DMD: variants seen among roughly 807,000 people sequenced by gnomAD.
DMD encodes the protein mutant dystrophin.
DMD carries 63 observed loss-of-function variants against 330.1 expected under a neutral mutation model. The ratio of observed to expected loss-of-function variants is 0.19; its 90% CI spans 0.16 to 0.24. The LOEUF is 0.24. Among genes scored for constraint, DMD ranks in the 10% least tolerant of loss-of-function variants. DMD has a pLI of 1.00. For missense variants in DMD, 3,344 were observed against 2,684.1 expected, an observed-to-expected ratio of 1.25 and a Z score of -5.43; for synonymous variants, 1,223 against 959.8, an observed-to-expected ratio of 1.27 and a Z score of -5.07.
rs753806639 is a variant in DMD, at chrX:32,342,972, TAATAC to T, written c.5739+157_5739+161del. Reference sequence around the variant, plus strand: ...AACATTACGTCAATTGAATAACACTTAATACAATACATTTACTGAAAACAACACAC... The same window carrying T: ...AACATTACGTCAATTGAATAACACTTAATACATTTACTGAAAACAACACAC... On this transcript the variant is annotated intron_variant, in intron 40 of 78. Coordinates refer to ENST00000357033, the MANE Select transcript of DMD (RefSeq NM_004006.3). The T allele has an allele frequency of 6.2e-4, 336 of 537,699 alleles. 1 individual carries two copies. Among genetic ancestry groups the T allele is most frequent in the East Asian group, 3.2e-3 (88 of 27,191 alleles). 44.3% of individuals were successfully genotyped at this position (537,699 alleles called of 1,213,427 possible).
At position 31,237,394 on chromosome X, in the gene DMD, T is replaced by C. The variant is rs148866981; in HGVS notation, c.9287-14273A>G. On this transcript the variant is annotated intron_variant, in intron 63 of 78. Transcript: ENST00000357033. Reference sequence around the variant, plus strand: ...TGGTATGACTCAAATTGCCCATGCATGCAGAAGCATGTGATAGAGAATGTT... The same window carrying C: ...TGGTATGACTCAAATTGCCCATGCACGCAGAAGCATGTGATAGAGAATGTT... Among the ~76,000 whole-genome samples the C allele has an allele frequency of 8.1e-3, 911 of 112,888 alleles. 8 individuals are homozygous for C. Among genetic ancestry groups the C allele is most frequent in the African/African-American group, 0.028 (864 of 31,069 alleles).
intron 12 of DMD, among the ~76,000 whole-genome samples, chrX:32,601,454 T>G (rs192902174): frequency 2.7e-4 from 30 of 111,693 alleles, no homozygotes; most frequent in Admixed American, 2.5e-3. Context: ...AAAGACTGTT[T>G]CAATGGAGAG....
intron 74 of DMD, among the ~76,000 whole-genome samples, chrX:31,150,359 G>A (rs903599028): frequency 1.8e-5 from 2 of 111,411 alleles, no homozygotes; most frequent in Admixed American, 9.5e-5. Flanking sequence ...GTTATATTTG[G>A]TTAATTTCCA....
In DMD at chrX:32,902,995, A is replaced by G. The variant is rs139229763; in HGVS notation, c.94-53175T>C. On this transcript the variant is annotated intron_variant, in intron 2 of 78. Transcript: ENST00000357033. ...AACATGATGAAACCCCATCTCTACT[A>G]AAAATACAAAAATTAGCTGGGCTTG... Among the ~76,000 whole-genome samples, 666 of 107,611 alleles carry G rather than the reference A, an allele frequency of 6.2e-3. 28 individuals carry two copies. The East Asian group carries it at 0.13, about 22-fold the overall frequency. 93.4% of individuals were successfully genotyped at this position (107,611 alleles called of 115,157 possible).
intron 42 of DMD, among the ~76,000 whole-genome samples, chrX:32,307,780 G>A (rs1246372912): frequency 3.6e-5 from 4 of 110,868 alleles, no homozygotes; most frequent in South Asian, 3.7e-4. Context: ...AGGATTTGAC[G>A]GTTTAACACA....
At chrX:31,901,678 T>C (rs1262159093) in intron 47 of DMD, among the ~76,000 whole-genome samples, 1 of 111,959 alleles carries the variant, frequency 8.9e-6, no homozygotes, top group Non-Finnish European at 1.9e-5. Flanking sequence ...TATTTTGTAG[T>C]CTATAATAAT....
At chrX:32,611,955 T>A (rs5928049) in intron 12 of DMD, among the ~76,000 whole-genome samples, 6,368 of 111,691 alleles carry the variant, frequency 0.057, 160 homozygotes, top group African/African-American at 0.08. Context: ...AAATGACAAT[T>A]TAGTTAGTGG....
At chrX:32,565,377 G>T (rs2051572193) in intron 16 of DMD, among the ~76,000 whole-genome samples, 1 of 111,513 alleles carries the variant, frequency 9.0e-6, no homozygotes, top group Non-Finnish European at 1.9e-5. Flanking sequence ...GTTCCTCGTG[G>T]TTCTAGCAAT....
At chrX:31,303,016 A>C (rs1237270164) in intron 62 of DMD, among the ~76,000 whole-genome samples, 2 of 112,182 alleles carry the variant, frequency 1.8e-5, no homozygotes, top group African/African-American at 6.5e-5. Flanking sequence ...CTTTTGAAAT[A>C]AAATACACCA....
At chrX:33,025,727 T>C (rs1230384000) in intron 1 of DMD, among the ~76,000 whole-genome samples, 1 of 110,064 alleles carries the variant, frequency 9.1e-6, no homozygotes, top group Non-Finnish European at 1.9e-5. Flanking sequence ...TAATTTTTAA[T>C]TTTTTTTCTT....
chrX:32,746,312 T>C (rs747277286), intron 7 of DMD, among the ~76,000 whole-genome samples: 18 of 112,032 alleles, frequency 1.6e-4, no homozygotes, highest in African/African-American at 5.8e-4. Context: ...CACTGGAAAG[T>C]ATATGGAAAC....
chrX:32,435,057 T>C (rs1013987112), intron 29 of DMD, among the ~76,000 whole-genome samples: 8 of 108,665 alleles, frequency 7.4e-5, no homozygotes, highest in African/African-American at 2.7e-4. Context: ...ATCATTGAGG[T>C]ACAAGTGGAG....
chrX:31,827,307 C>T lies in DMD; in HGVS notation c.7201-7224G>A, dbSNP rs1392355264. 2.7e-5 allele frequency among the ~76,000 whole-genome samples: 3 copies of T among 111,367 alleles called. No homozygotes were observed. The Middle Eastern group carries it at 0.014, about 516-fold the overall frequency. On this transcript the variant is annotated intron_variant, in intron 49 of 78. Coordinates refer to ENST00000357033, the MANE Select transcript of DMD (RefSeq NM_004006.3). The stretch of plus-strand genomic sequence containing the variant: ...ACAAAATGGGCTTTAAAGCAATAAC[C>T]GTAAATAAAAGATAAAGAAAGACAT...
chrX:32,759,979 G>A (rs1202293417), intron 7 of DMD, among the ~76,000 whole-genome samples: 2 of 111,292 alleles, frequency 1.8e-5, no homozygotes, highest in African/African-American at 6.5e-5. Context: ...GATAAAAAAA[G>A]AATTCTGAAG....
chrX:32,472,056 T>G, intron 22 of DMD, 108 bp downstream of exon 22: 2 of 1,007,258 alleles, frequency 2.0e-6, no homozygotes, highest in African/African-American at 3.7e-5. Context: ...ATGGGCAAAC[T>G]ACCATACTTG....
chrX:32,729,142 T>A (rs2067234016), intron 7 of DMD, among the ~76,000 whole-genome samples: 1 of 112,128 alleles, frequency 8.9e-6, no homozygotes, highest in Non-Finnish European at 1.9e-5. Context: ...TCTGTAATTT[T>A]TTGAGTAACT....
At chrX:32,764,074 A>T (rs1264413072) in intron 7 of DMD, among the ~76,000 whole-genome samples, 1 of 109,514 alleles carries the variant, frequency 9.1e-6, no homozygotes, top group African/African-American at 3.4e-5. Context: ...GGACTACATA[A>T]TTCCATTTGG....
At chrX:32,641,172 C>A (rs950162109) in intron 11 of DMD, among the ~76,000 whole-genome samples, 2 of 110,838 alleles carry the variant, frequency 1.8e-5, no homozygotes, top group African/African-American at 6.5e-5. Flanking sequence ...AAAGTAGCCT[C>A]CCCTCAACCA....
chrX:32,664,154 C>A (rs2061131855), intron 9 of DMD, among the ~76,000 whole-genome samples: 1 of 110,451 alleles, frequency 9.1e-6, no homozygotes, highest in Non-Finnish European at 1.9e-5. Flanking sequence ...CTAATTTAGA[C>A]CAGAGGTGAT....
Sources: allele counts gnomAD v4.1 joint callset (sites outside exome capture counted in the v4.1 genomes callset), GRCh38; gene constraint gnomAD v4.1.1; transcripts MANE v1.5; gene names NCBI Gene and HGNC (gene_info 2026-07-23, HGNC 2026-07-21).